The following WTAP variants were observed in gnomAD, a reference collection of about 807,000 sequenced individuals.
WTAP encodes the protein pre-mRNA-splicing regulator WTAP.
A neutral mutation model predicts 50.0 loss-of-function variants in WTAP; 8 were observed. The observed-to-expected ratio is 0.16, with a 90% CI of 0.09 to 0.29. WTAP has a LOEUF of 0.29. Ranked by LOEUF, WTAP falls within the 10% of genes least tolerant of loss-of-function variation. The pLI is 1.00. For synonymous variants in WTAP, 194 were observed against 169.0 expected (o/e 1.15, Z -1.15); for missense variants, 295 against 470.7 (o/e 0.63, Z 3.45).
chr6:159,751,765 G>A (rs534021980), intron 6 of WTAP, among the ~76,000 whole-genome samples: 1 of 152,290 alleles, frequency 6.6e-6, no homozygotes, highest in East Asian at 1.9e-4. Flanking sequence ...AATTACATTA[G>A]GTTAGAAAAC....
intron 5 of WTAP, among the ~76,000 whole-genome samples, chr6:159,747,135 C>G (rs576116105): frequency 3.3e-5 from 5 of 152,192 alleles, no homozygotes; most frequent in African/African-American, 1.2e-4. Context: ...CCTATTTAAG[C>G]CTTAGTATGG....
chr6:159,747,198 A>G (rs1779626135), intron 5 of WTAP, among the ~76,000 whole-genome samples: 1 of 152,228 alleles, frequency 6.6e-6, no homozygotes, highest in South Asian at 2.1e-4. Context: ...GATGAATTTA[A>G]TGCTAATAAC....
chr6:159,731,294 C>T (rs962898444), intron 1 of WTAP, among the ~76,000 whole-genome samples: 1 of 151,130 alleles, frequency 6.6e-6, no homozygotes, highest in African/African-American at 2.4e-5. Context: ...GACCTCATCT[C>T]TACTACCAAG....
Position 159,727,521 on chromosome 6 carries a change from T to G in WTAP, c.-191T>G. The G allele has an allele frequency of 1.0e-6, 1 of 992,082 alleles. No individual in the cohort carries two copies. The highest frequency in any genetic ancestry group is 1.2e-6 in the Non-Finnish European group (1 of 835,258). The allele number at this position is 992,082 out of a possible 1,614,324, so 61.5% of individuals were successfully genotyped here. ...GCCTGGTTTCCTCCCTCAGCGCCAT[T>G]TTGTGGCAGCGAGACCCACAAATAA... is the stretch of plus-strand genomic sequence containing the variant. On this transcript the variant is annotated 5_prime_UTR_variant, in exon 1 of 8. In the 5' UTR this introduces an upstream ATG that the reference lacks. Coordinates refer to ENST00000621533, the MANE Select transcript of WTAP (RefSeq NM_001270531.2).
In WTAP at chr6:159,755,299, C is replaced by G; in HGVS notation, c.879C>G (p.His293Gln). 4 of 1,614,218 alleles carry G rather than the reference C, an allele frequency of 2.5e-6. No individual in the cohort carries two copies. The highest frequency in any genetic ancestry group is 2.5e-6 in the Non-Finnish European group (3 of 1,180,036). Residue 293 changes from histidine (H) to glutamine (Q), a missense_variant, in exon 8 of 8, where the codon CAC becomes CAG. This residue lies in a region of WTAP where 175 missense variants were observed against 183.1 expected (regional missense o/e 0.96). Coordinates refer to ENST00000621533, the MANE Select transcript of WTAP (RefSeq NM_001270531.2). ...AGAGGACGTCTGGGTCTGGATTTCA[C>G]AGGGAGGGCAACACAACCGAAGATG... is the stretch of plus-strand genomic sequence containing the variant. The part of the protein sequence containing the change: ...SRQRTSGSGF[H>Q]REGNTTEDDF...
chr6:159,741,483 A>G (rs1241893448), intron 3 of WTAP: 1 of 152,216 alleles, frequency 6.6e-6, no homozygotes, highest in Admixed American at 6.5e-5. Context: ...CTAAGTGGAC[A>G]ACATATGAAA....
At chr6:159,727,477 G>A (rs972543999), upstream of WTAP, 44 of 993,908 alleles carry the variant, frequency 4.4e-5, no homozygotes, top group Admixed American at 6.2e-5. Context: ...CGTGCGGCGG[G>A]GCGGGGCCGG....
intron 3 of WTAP, 82 bp downstream of exon 3, chr6:159,739,127 G>T: frequency 8.5e-7 from 1 of 1,175,602 alleles, no homozygotes; most frequent in Non-Finnish European, 1.2e-6. Flanking sequence ...CTTTGTGCCA[G>T]ATATTGTTTT....
intron 1 of WTAP, among the ~76,000 whole-genome samples, chr6:159,735,872 G>A (rs1778882493): frequency 6.6e-6 from 1 of 152,064 alleles, no homozygotes; most frequent in Non-Finnish European, 1.5e-5. Flanking sequence ...ACTTAAACTG[G>A]TATTACCCTT....
chr6:159,731,324 T>C (rs1178398340), intron 1 of WTAP, among the ~76,000 whole-genome samples: 1 of 150,626 alleles, frequency 6.6e-6, no homozygotes, highest in Non-Finnish European at 1.5e-5. Context: ...ACAAATTAGC[T>C]GGGCGTGGTG....
chr6:159,742,995 G>A (rs542607329), intron 4 of WTAP, among the ~76,000 whole-genome samples: 1 of 152,124 alleles, frequency 6.6e-6, no homozygotes, highest in Non-Finnish European at 1.5e-5. Flanking sequence ...AACAGAATAA[G>A]ATCCTGCCTC....
intron 5 of WTAP, among the ~76,000 whole-genome samples, chr6:159,747,023 C>A (rs1779616124): frequency 6.6e-6 from 1 of 152,142 alleles, no homozygotes; most frequent in African/African-American, 2.4e-5. Context: ...ATTGACTATG[C>A]AGTTGTACTA....
At chr6:159,742,605 C>T (rs931425616) in intron 4 of WTAP, among the ~76,000 whole-genome samples, 1 of 152,038 alleles carries the variant, frequency 6.6e-6, no homozygotes, top group African/African-American at 2.4e-5. Flanking sequence ...TAACGTTTAT[C>T]ATTTTAAGCC....
At chr6:159,730,637 G>C (rs1157831042) in intron 1 of WTAP, among the ~76,000 whole-genome samples, 1 of 152,202 alleles carries the variant, frequency 6.6e-6, no homozygotes, top group East Asian at 1.9e-4. Flanking sequence ...GACTTTCAAG[G>C]AAAGATTTAC....
chr6:159,750,583 C>G (rs546712747), intron 6 of WTAP, among the ~76,000 whole-genome samples: 2 of 152,258 alleles, frequency 1.3e-5, no homozygotes, highest in East Asian at 3.9e-4. Context: ...TTGTTTTAAA[C>G]AAATGTGATC....
At chr6:159,735,306 T>C (rs1778839095) in intron 1 of WTAP, among the ~76,000 whole-genome samples, 1 of 152,138 alleles carries the variant, frequency 6.6e-6, no homozygotes, top group Non-Finnish European at 1.5e-5. Context: ...GCCGGGCTAA[T>C]TTTTTTAATT....
intron 1 of WTAP, among the ~76,000 whole-genome samples, chr6:159,733,873 G>A (rs1174864543): frequency 2.0e-5 from 3 of 152,124 alleles, no homozygotes; most frequent in Non-Finnish European, 2.9e-5. Flanking sequence ...CCGAGATCGC[G>A]CCGTTGCACT....
chr6:159,748,125 T>G lies in WTAP; in HGVS notation c.274-66T>G. On this transcript the variant is annotated intron_variant, in intron 5 of 7. Transcript: ENST00000621533. The surrounding 1 kb of genome is among the most constrained non-coding windows in gnomAD (Gnocchi z 5.6). Reference sequence around the variant, plus strand: ...TGGTAAATCAAGTGAATGGAGGGAGTTTTCCCCACCTTCTTATGTATGTTT... The same window carrying G: ...TGGTAAATCAAGTGAATGGAGGGAGGTTTCCCCACCTTCTTATGTATGTTT... The G allele has an allele frequency of 1.3e-6, 2 of 1,518,350 alleles. No individual in the cohort carries two copies. Among genetic ancestry groups the G allele is most frequent in the South Asian group, 1.3e-5 (1 of 76,898 alleles). 94.1% of individuals were successfully genotyped at this position (1,518,350 alleles called of 1,614,324 possible). A position where few individuals can be genotyped will look rare whatever the true frequency, so the allele number is the denominator to read the frequency against.
intron 6 of WTAP, among the ~76,000 whole-genome samples, chr6:159,752,028 A>T (rs1051517604): frequency 1.3e-5 from 2 of 150,162 alleles, no homozygotes; most frequent in Non-Finnish European, 3.0e-5. Flanking sequence ...ACGCCACTGC[A>T]CTCCAGCCTG....
Sources: allele counts gnomAD v4.1 joint callset (sites outside exome capture counted in the v4.1 genomes callset), GRCh38; gene constraint gnomAD v4.1.1; regional missense constraint gnomAD v4.1.1; non-coding constraint Gnocchi (gnomAD v3.1); transcripts MANE v1.5; gene names NCBI Gene and HGNC (gene_info 2026-07-23, HGNC 2026-07-21).